The following UNC79 variants were observed in gnomAD, a reference collection of about 807,000 sequenced individuals.
UNC79 encodes unc-79 subunit of NALCN channel complex.
In UNC79, 37 loss-of-function variants were observed where a neutral mutation model predicts 283.1. The ratio of observed to expected loss-of-function variants is 0.13; its 90% CI spans 0.10 to 0.17. UNC79 has a LOEUF of 0.17. UNC79 is among the 10% of genes least tolerant of loss of function. UNC79 has a pLI of 1.00. For synonymous variants in UNC79, 1,107 were observed against 1,200.2 expected (o/e 0.92, Z 1.61); for missense variants, 2,272 against 3,211.1 (o/e 0.71, Z 7.07).
intron 35 of UNC79, among the ~76,000 whole-genome samples, chr14:93,653,006 G>A (rs2070459895): frequency 6.6e-6 from 1 of 152,152 alleles, no homozygotes; most frequent in Non-Finnish European, 1.5e-5. Context: ...CAGGGTAGAT[G>A]TGGCACAATG....
upstream of UNC79, among the ~76,000 whole-genome samples, chr14:93,427,483 T>C (rs1025275089): frequency 2.6e-5 from 4 of 152,178 alleles, no homozygotes; most frequent in Non-Finnish European, 5.9e-5. Context: ...ATGGTGTGTA[T>C]GTAATTACCC....
At chr14:93,667,286 A>G (rs556758524) in intron 40 of UNC79, among the ~76,000 whole-genome samples, 1 of 152,292 alleles carries the variant, frequency 6.6e-6, no homozygotes, top group East Asian at 1.9e-4. Flanking sequence ...ATGGAAGATC[A>G]ATACAACAGA....
intron 40 of UNC79, among the ~76,000 whole-genome samples, chr14:93,670,329 C>T (rs2072704756): frequency 6.6e-6 from 1 of 152,186 alleles, no homozygotes; most frequent in Non-Finnish European, 1.5e-5. Flanking sequence ...CCATCTCCCA[C>T]CTTCATTTGC....
intron 1 of UNC79, among the ~76,000 whole-genome samples, chr14:93,424,321 T>TA (rs2055676329): frequency 6.6e-6 from 1 of 152,036 alleles, no homozygotes; most frequent in South Asian, 2.1e-4. Flanking sequence ...CTCAAAAACC[T>TA]AAAAATAGAG....
intron 1 of UNC79, among the ~76,000 whole-genome samples, chr14:93,355,243 G>T (rs570768856): frequency 3.3e-5 from 5 of 151,798 alleles, no homozygotes; most frequent in South Asian, 2.1e-4. Flanking sequence ...GCCCAGGCTG[G>T]AGTGCAGTGG....
Position 93,604,827 on chromosome 14 carries a change from C to T in UNC79, c.3754+1409C>T, listed in dbSNP as rs1448126187. ...CCCCTACTATCCCATAAAGTTAGCACTGAGTATATTTTCTAGGCTCCAGTT... is the reference window on the plus strand; with the variant it reads ...CCCCTACTATCCCATAAAGTTAGCATTGAGTATATTTTCTAGGCTCCAGTT... On this transcript the variant is annotated intron_variant, in intron 26 of 48. Transcript: ENST00000555664. 47 of 1,445,300 alleles carry T rather than the reference C, an allele frequency of 3.3e-5. No individual in the cohort carries two copies. The Admixed American group carries it at 9.1e-4, about 28-fold the overall frequency. 89.5% of individuals were successfully genotyped at this position (1,445,300 alleles called of 1,614,324 possible).
chr14:93,519,544 T>A (rs907564608), intron 7 of UNC79, among the ~76,000 whole-genome samples: 3 of 151,868 alleles, frequency 2.0e-5, no homozygotes, highest in African/African-American at 7.2e-5. Context: ...TAATTTCTGG[T>A]ATGAATTGAA....
At chr14:93,552,564 T>C (rs1456209139) in intron 14 of UNC79, among the ~76,000 whole-genome samples, 1 of 152,232 alleles carries the variant, frequency 6.6e-6, no homozygotes, top group African/African-American at 2.4e-5. Context: ...TATACTCTTT[T>C]TCTCTCCAGT....
intron 1 of UNC79, among the ~76,000 whole-genome samples, chr14:93,345,954 G>A (rs1179212775): frequency 1.3e-5 from 2 of 150,398 alleles, no homozygotes; most frequent in Non-Finnish European, 3.0e-5. Flanking sequence ...AACTATATTG[G>A]CATTATATTT....
At chr14:93,605,075 C>T in intron 26 of UNC79, 114 bp downstream of exon 27, 1 of 1,124,912 alleles carries the variant, frequency 8.9e-7, no homozygotes, top group South Asian at 2.1e-5. Context: ...TTTGCAAGCT[C>T]AGAAGGGTCT....
chr14:93,446,726 G>A (rs2056472319), intron 1 of UNC79, among the ~76,000 whole-genome samples: 1 of 151,724 alleles, frequency 6.6e-6, no homozygotes, highest in Admixed American at 6.6e-5. Flanking sequence ...CAAATATTTG[G>A]GATTTTCCTG....
At chr14:93,616,155 A>G (rs1020303662) in intron 27 of UNC79, among the ~76,000 whole-genome samples, 2 of 152,104 alleles carry the variant, frequency 1.3e-5, no homozygotes, top group African/African-American at 4.8e-5. Flanking sequence ...TATAGTGGCT[A>G]CATAGTTTTC....
intron 26 of UNC79, among the ~76,000 whole-genome samples, chr14:93,605,434 G>A (rs1026740598): frequency 6.6e-6 from 1 of 152,176 alleles, no homozygotes; most frequent in Non-Finnish European, 1.5e-5. Flanking sequence ...CTCAGAGAAA[G>A]GAGAATTTCC....
At chr14:93,347,127 G>C (rs1471885046) in intron 1 of UNC79, 1 of 880,580 alleles carries the variant, frequency 1.1e-6, no homozygotes, top group African/African-American at 1.8e-5. Context: ...CAGAAGGGGT[G>C]GGGTAGGGGG....
chr14:93,471,083 C>A (rs2057475504), intron 2 of UNC79, among the ~76,000 whole-genome samples: 1 of 152,002 alleles, frequency 6.6e-6, no homozygotes, highest in Non-Finnish European at 1.5e-5. Flanking sequence ...TTAGAAAATG[C>A]CTAATATGTT....
chr14:93,622,588 C>G (rs746214895), exon 30 of UNC79: 59 of 1,613,940 alleles, frequency 3.7e-5, no homozygotes, highest in Non-Finnish European at 4.4e-5. Flanking sequence ...GGGCAAAAAC[C>G]GTCCTCCTCA....
intron 14 of UNC79, among the ~76,000 whole-genome samples, chr14:93,568,092 G>T (rs181260716): frequency 3.3e-5 from 5 of 152,234 alleles, no homozygotes; most frequent in Admixed American, 1.3e-4. Flanking sequence ...AGGCAGATTT[G>T]CCCTGAGCAG....
chr14:93,559,159 A>G (rs1046004075), intron 14 of UNC79, among the ~76,000 whole-genome samples: 3 of 152,252 alleles, frequency 2.0e-5, no homozygotes. Flanking sequence ...TGGAGTATAA[A>G]GATTTATAAA....
In UNC79 at chr14:93,487,840, T is replaced by C. The variant is rs146667552; in HGVS notation, c.712+85T>C. On this transcript the variant is annotated intron_variant, in intron 5 of 48. Transcript: ENST00000555664. ...AACAAGCAGGCTAGATGTTCTCATG[T>C]GAGAACGTCATCATCATAGAGATGT... 591 of 1,313,372 alleles carry C rather than the reference T, an allele frequency of 4.5e-4. 1 individual carries two copies. In the African/African-American group the frequency reaches 7.4e-3, roughly 17 times the overall value. 81.4% of individuals were successfully genotyped at this position (1,313,372 alleles called of 1,614,324 possible).
Sources: gnomAD v4.1 joint callset for allele counts (sites outside exome capture counted in the v4.1 genomes callset) on GRCh38, gnomAD v4.1.1 for gene constraint, MANE v1.5 for transcripts, NCBI Gene and HGNC (gene_info 2026-07-23, HGNC 2026-07-21) for gene names.